Variants in CTNNAL1 observed in about 807,000 individuals in gnomAD.
The protein encoded by CTNNAL1 is alpha-catulin.
A neutral mutation model predicts 93.6 loss-of-function variants in CTNNAL1; 69 were observed. The ratio of observed to expected loss-of-function variants is 0.74; its 90% CI spans 0.61 to 0.90. The LOEUF is 0.90. Ranked by LOEUF, CTNNAL1 falls within the 40% of genes least tolerant of loss-of-function variation. The pLI, the probability that CTNNAL1 is intolerant of heterozygous loss-of-function variation, is 0.00. For missense variants in CTNNAL1, 836 were observed against 862.0 expected (o/e 0.97, Z 0.38); for synonymous variants, 286 against 305.4 (o/e 0.94, Z 0.66).
chr9:109,008,950 A>C (rs1827125859), intron 1 of CTNNAL1, among the ~76,000 whole-genome samples: 1 of 132,140 alleles, frequency 7.6e-6, no homozygotes, highest in African/African-American at 3.0e-5. Context: ...GGCTGAGTGA[A>C]GTGTTGTGAT....
chr9:108,959,402 T>C (rs548608801), intron 11 of CTNNAL1, among the ~76,000 whole-genome samples: 168 of 135,438 alleles, frequency 1.2e-3, no homozygotes, highest in African/African-American at 4.3e-3. Context: ...AGCCTGGGTA[T>C]CACAGCGAGA....
intron 3 of CTNNAL1, among the ~76,000 whole-genome samples, chr9:108,991,646 C>T (rs1170444766): frequency 6.6e-6 from 1 of 152,180 alleles, no homozygotes; most frequent in Non-Finnish European, 1.5e-5. Context: ...AGGCGACTAA[C>T]ACTGATAAGG....
rs189766757 is a variant in CTNNAL1, at chr9:109,005,520, C to T, written c.142-6264G>A. On this transcript the variant is annotated intron_variant, in intron 1 of 18. Transcript: ENST00000325551. Reference sequence around the variant, plus strand: ...TGGGATTAATGCCTTTTAAAAGAGGCCTCAGAAAGCTCTCTCACTCATTTC... The same window carrying T: ...TGGGATTAATGCCTTTTAAAAGAGGTCTCAGAAAGCTCTCTCACTCATTTC... Among the ~76,000 whole-genome samples, 36 of 152,134 alleles carry T rather than the reference C, an allele frequency of 2.4e-4. 1 individual carries two copies. The East Asian group carries it at 6.2e-3, about 26-fold the overall frequency.
intron 10 of CTNNAL1, among the ~76,000 whole-genome samples, chr9:108,967,974 G>A (rs1831007774): frequency 6.6e-6 from 1 of 152,142 alleles, no homozygotes; most frequent in African/African-American, 2.4e-5. Flanking sequence ...TGGTACCTTT[G>A]AATGAATTAC....
At chr9:108,972,868 G>GCCCCTGGT in intron 8 of CTNNAL1, 35 bp from the exon 9 acceptor site, 2 of 1,092,792 alleles carry the variant, frequency 1.8e-6, no homozygotes, top group Non-Finnish European at 1.2e-6. Flanking sequence ...GGGTGGGAGG[G>GCCCCTGGT]TGGAGAAGGA....
chr9:108,998,151 A>G (rs2132193839), intron 2 of CTNNAL1, among the ~76,000 whole-genome samples: 1 of 151,984 alleles, frequency 6.6e-6, no homozygotes, highest in East Asian at 1.9e-4. Context: ...GGCCATTTTT[A>G]CCCCTCACGG....
chr9:108,948,062 G>GTAA lies in CTNNAL1; in HGVS notation c.1884+121_1884+123dup, dbSNP rs1177132161. 1.9e-4 allele frequency: 214 copies of GTAA among 1,129,662 alleles called. 1 individual carries two copies. The South Asian group carries it at 3.0e-3, about 16-fold the overall frequency. The allele number at this position is 1,129,662 out of a possible 1,614,324, so 70.0% of individuals were successfully genotyped here. On this transcript the variant is annotated intron_variant, in intron 15 of 18. Transcript: ENST00000325551. ...CCTTTCTACTTTTCTACTGCTCTCT[G>GTAA]TAATACACAGGTAGGTACAGATGTA...
intron 11 of CTNNAL1, among the ~76,000 whole-genome samples, chr9:108,957,039 G>A (rs889801770): frequency 6.6e-6 from 1 of 151,146 alleles, no homozygotes; most frequent in Admixed American, 6.6e-5. Context: ...ATGTTTACAT[G>A]GTATTTTGGA....
In CTNNAL1 at chr9:108,992,715, T is replaced by C. The variant is rs749863608; in HGVS notation, c.436A>G (p.Arg146Gly). Reference sequence around the variant, plus strand: ...TTTGTCACTGAAGAAAGAAGTAATCTTGCAGCCTTTATCACTCCTGTTTTG... The same window carrying C: ...TTTGTCACTGAAGAAAGAAGTAATCCTGCAGCCTTTATCACTCCTGTTTTG... ...TDKTGVIKAA[R>G]LLLSSVTKVL... Residue 146 changes from arginine (R) to glycine (G), a missense_variant, in exon 3 of 19, where the codon AGA becomes GGA. Transcript: ENST00000325551. The C allele has an allele frequency of 3.1e-6, 5 of 1,614,086 alleles. No individual in the cohort carries two copies. In the East Asian group the frequency reaches 8.9e-5, roughly 29 times the overall value.
intron 2 of CTNNAL1, among the ~76,000 whole-genome samples, chr9:108,996,310 A>G (rs838835): frequency 0.72 from 108,693 of 152,012 alleles, 38,893 homozygotes; most frequent in South Asian, 0.8. Flanking sequence ...TCAAATGAAC[A>G]CTGTTGACAA....
chr9:108,983,982 A>G (rs1831521084), intron 5 of CTNNAL1, among the ~76,000 whole-genome samples: 1 of 152,148 alleles, frequency 6.6e-6, no homozygotes, highest in African/African-American at 2.4e-5. Context: ...CTGACTTCTT[A>G]CTCCACTGTA....
intron 10 of CTNNAL1, 40 bp downstream of exon 10, chr9:108,970,358 CAGAT>C (rs1392057215): frequency 7.1e-6 from 11 of 1,549,428 alleles, no homozygotes; most frequent in Middle Eastern, 1.7e-4. Flanking sequence ...TTATAACACT[CAGAT>C]AGGACACAAT....
chr9:108,980,873 T>A (rs1174388407), intron 6 of CTNNAL1, among the ~76,000 whole-genome samples: 1 of 152,202 alleles, frequency 6.6e-6, no homozygotes, highest in Admixed American at 6.5e-5. Flanking sequence ...AGTGGAGTTT[T>A]GTGGGGTTTT....
At chr9:109,005,188 C>T (rs995329439) in intron 1 of CTNNAL1, among the ~76,000 whole-genome samples, 2 of 151,836 alleles carry the variant, frequency 1.3e-5, no homozygotes, top group African/African-American at 4.8e-5. Context: ...CTGGGAAGCA[C>T]AGAACAAATC....
At chr9:108,986,956 A>G (rs982598123) in intron 4 of CTNNAL1, among the ~76,000 whole-genome samples, 2 of 152,048 alleles carry the variant, frequency 1.3e-5, no homozygotes, top group African/African-American at 4.8e-5. Context: ...AGGTTGCGAA[A>G]ATTTTCTCCC....
At chr9:108,983,860 T>C (rs930355158) in intron 5 of CTNNAL1, among the ~76,000 whole-genome samples, 4 of 152,258 alleles carry the variant, frequency 2.6e-5, no homozygotes, top group East Asian at 1.9e-4. Flanking sequence ...TCATTCATTC[T>C]AGAATTGCAC....
At chr9:108,964,841 G>GTTTT (rs1331445105) in intron 11 of CTNNAL1, among the ~76,000 whole-genome samples, 2 of 132,074 alleles carry the variant, frequency 1.5e-5, no homozygotes, top group Non-Finnish European at 3.3e-5. Flanking sequence ...TATGCTGTTT[G>GTTTT]TTTTATTTAT....
Position 108,990,707 on chromosome 9 carries a change from A to T in CTNNAL1, c.639+19T>A. 2 of 1,605,056 alleles carry T rather than the reference A, an allele frequency of 1.2e-6. No homozygotes were observed. Among genetic ancestry groups the T allele is most frequent in the Non-Finnish European group, 1.7e-6 (2 of 1,176,514 alleles). On this transcript the variant is annotated intron_variant, in intron 4 of 18. Coordinates refer to ENST00000325551, the MANE Select transcript of CTNNAL1 (RefSeq NM_003798.4). ...AGTATGTATTTATCTGAAGATTGTA[A>T]AATGTGATGAATACATACATTTTGT...
intron 14 of CTNNAL1, chr9:108,950,437 G>A: frequency 1.3e-6 from 2 of 1,488,966 alleles, no homozygotes; most frequent in Non-Finnish European, 1.8e-6. Flanking sequence ...AATATGATAA[G>A]GTACTGACAA....
Sources: allele counts gnomAD v4.1 joint callset (sites outside exome capture counted in the v4.1 genomes callset), GRCh38; gene constraint gnomAD v4.1.1; transcripts MANE v1.5; gene names NCBI Gene and HGNC (gene_info 2026-07-23, HGNC 2026-07-21).